FRMD4A: variants seen among roughly 807,000 people sequenced by gnomAD.
FRMD4A encodes the protein FERM domain-containing protein 4A.
FRMD4A carries 29 observed loss-of-function variants against 129.1 expected under a neutral mutation model. The observed-to-expected ratio is 0.22, with a 90% CI of 0.17 to 0.31. FRMD4A has a LOEUF of 0.31. Among genes scored for constraint, FRMD4A ranks in the 10% least tolerant of loss-of-function variants. FRMD4A has a pLI of 1.00. For missense variants in FRMD4A, 1,272 were observed against 1,375.8 expected (o/e 0.92, Z 1.19); for synonymous variants, 634 against 571.6 (o/e 1.11, Z -1.56).
At chr10:13,828,470 TTC>T (rs1356929436) in intron 3 of FRMD4A, among the ~76,000 whole-genome samples, 2 of 152,254 alleles carry the variant, frequency 1.3e-5, no homozygotes, top group African/African-American at 4.8e-5. Flanking sequence ...CATGATTTCA[TTC>T]TTTTTGATGG....
intron 2 of FRMD4A, among the ~76,000 whole-genome samples, chr10:14,159,522 C>T (rs7924097): frequency 0.32 from 48,397 of 151,910 alleles, 8,755 homozygotes; most frequent in East Asian, 0.54. Flanking sequence ...ATCAGAAGAA[C>T]TAATATTATT....
chr10:14,256,011 A>AAT (rs1370767038), intron 2 of FRMD4A, among the ~76,000 whole-genome samples: 2 of 151,946 alleles, frequency 1.3e-5, no homozygotes, highest in Non-Finnish European at 2.9e-5. Context: ...ATCTCAAAAA[A>AAT]AAAAAAAAAA....
At chr10:14,250,749 A>G (rs1844409869) in intron 2 of FRMD4A, among the ~76,000 whole-genome samples, 2 of 152,174 alleles carry the variant, frequency 1.3e-5, no homozygotes, top group Non-Finnish European at 2.9e-5. Context: ...GGAGTCCAGC[A>G]TGGGTTGCTG....
chr10:13,666,731 A>G (rs2083068991), intron 17 of FRMD4A, among the ~76,000 whole-genome samples: 1 of 151,676 alleles, frequency 6.6e-6, no homozygotes, highest in Non-Finnish European at 1.5e-5. Flanking sequence ...TCTTTATGCC[A>G]TTCTTCTCTG....
chr10:14,255,096 C>G (rs562786639), intron 2 of FRMD4A, among the ~76,000 whole-genome samples: 10 of 152,330 alleles, frequency 6.6e-5, no homozygotes, highest in Admixed American at 6.5e-4. Flanking sequence ...GTCTCAAAAT[C>G]AGCAGTGGCT....
At chr10:13,940,497 C>T (rs1014663709) in intron 2 of FRMD4A, among the ~76,000 whole-genome samples, 7 of 152,112 alleles carry the variant, frequency 4.6e-5, no homozygotes, top group African/African-American at 1.4e-4. Context: ...ATTTCTTGTC[C>T]TATTAAAAAT....
chr10:13,884,240 A>ACACACACACC lies in FRMD4A; in HGVS notation c.46-25329_46-25328insGGTGTGTGTG, dbSNP rs200093883. ...CACACACACACACACACACACACACACTCCCTAAAAGGCATCCTGTATATT... is the reference window on the plus strand; with the variant it reads ...CACACACACACACACACACACACACACACACACACCCTCCCTAAAAGGCATCCTGTATATT... On this transcript the variant is annotated intron_variant, in intron 2 of 24. Transcript: ENST00000357447. 2.9e-3 allele frequency among the ~76,000 whole-genome samples: 395 copies of ACACACACACC among 135,210 alleles called. 18 individuals are homozygous for ACACACACACC. In the East Asian group the frequency reaches 0.078, roughly 27 times the overall value. The allele number at this position is 135,210 out of a possible 152,430, so 88.7% of individuals were successfully genotyped here.
chr10:14,187,999 T>A (rs1842201012), intron 2 of FRMD4A, among the ~76,000 whole-genome samples: 1 of 152,082 alleles, frequency 6.6e-6, no homozygotes, highest in African/African-American at 2.4e-5. Flanking sequence ...TGGGAAGGTA[T>A]CTCCACCTCC....
At chr10:13,871,363 A>G (rs2094437460) in intron 2 of FRMD4A, among the ~76,000 whole-genome samples, 1 of 152,170 alleles carries the variant, frequency 6.6e-6, no homozygotes, top group South Asian at 2.1e-4. Flanking sequence ...GCGGCCTCTG[A>G]CAGGAAGAGT....
intron 2 of FRMD4A, among the ~76,000 whole-genome samples, chr10:13,924,892 G>A (rs369111494): frequency 9.2e-5 from 14 of 151,746 alleles, no homozygotes; most frequent in East Asian, 1.9e-4. Flanking sequence ...GTGAAACCCC[G>A]TCTCTACTAA....
At chr10:14,222,975 C>A (rs1220372407) in intron 2 of FRMD4A, among the ~76,000 whole-genome samples, 1 of 152,192 alleles carries the variant, frequency 6.6e-6, no homozygotes, top group African/African-American at 2.4e-5. Flanking sequence ...ATAATCCCAG[C>A]TACTCTGGAG....
chr10:13,851,225 A>AAAAAAG (rs374180622), intron 3 of FRMD4A, among the ~76,000 whole-genome samples: 3 of 152,366 alleles, frequency 2.0e-5, no homozygotes, highest in South Asian at 4.1e-4. Flanking sequence ...AAACAAAACA[A>AAAAAAG]AAAAAGAAAA....
intron 9 of FRMD4A, among the ~76,000 whole-genome samples, chr10:13,747,027 C>A (rs927944410): frequency 1.3e-5 from 2 of 152,060 alleles, no homozygotes; most frequent in African/African-American, 2.4e-5. Context: ...AAGAAGAAAA[C>A]CCTGTGGTTC....
chr10:13,982,810 C>T (rs1287341668), intron 2 of FRMD4A, among the ~76,000 whole-genome samples: 3 of 152,126 alleles, frequency 2.0e-5, no homozygotes. Flanking sequence ...AATTTGTATG[C>T]CTTTTCCTCT....
At chr10:14,195,905 T>C (rs751588819) in intron 2 of FRMD4A, among the ~76,000 whole-genome samples, 4 of 152,212 alleles carry the variant, frequency 2.6e-5, no homozygotes, top group Non-Finnish European at 5.9e-5. Context: ...AATCTAAGCC[T>C]GGTAGTTCCT....
At chr10:13,710,086 C>A (rs1036203800) in intron 12 of FRMD4A, among the ~76,000 whole-genome samples, 5 of 152,076 alleles carry the variant, frequency 3.3e-5, no homozygotes, top group Non-Finnish European at 7.4e-5. Flanking sequence ...GGCCTTAGGT[C>A]CTGGCATGTA....
At chr10:13,977,083 A>C (rs2095544580) in intron 2 of FRMD4A, among the ~76,000 whole-genome samples, 1 of 152,230 alleles carries the variant, frequency 6.6e-6, no homozygotes. Context: ...GATTTATTCC[A>C]AAGTGAGAAG....
intron 2 of FRMD4A, among the ~76,000 whole-genome samples, chr10:14,009,812 G>GAC (rs202021412): frequency 2.9e-4 from 24 of 83,256 alleles, no homozygotes; most frequent in Admixed American, 3.4e-4. Flanking sequence ...GGGTGAGAGA[G>GAC]ACGGGGAGAC....
chr10:14,140,094 C>T (rs1158955807), intron 2 of FRMD4A, among the ~76,000 whole-genome samples: 1 of 152,142 alleles, frequency 6.6e-6, no homozygotes, highest in Non-Finnish European at 1.5e-5. Context: ...TGGAATCTCA[C>T]TCTGTTACCC....
Sources: gnomAD v4.1 joint callset for allele counts (sites outside exome capture counted in the v4.1 genomes callset) on GRCh38, gnomAD v4.1.1 for gene constraint, MANE v1.5 for transcripts, NCBI Gene and HGNC (gene_info 2026-07-23, HGNC 2026-07-21) for gene names.